The following CNTN4 variants were observed in gnomAD, a reference collection of about 807,000 sequenced individuals.
CNTN4 encodes the protein contactin 4.
Under a neutral mutation model 122.5 loss-of-function variants are expected in CNTN4, and 77 were observed. The ratio of observed to expected loss-of-function variants is 0.63; its 90% CI spans 0.52 to 0.76. CNTN4 has a LOEUF of 0.76. CNTN4 is among the 30% of genes least tolerant of loss of function. The pLI, the probability that CNTN4 is intolerant of heterozygous loss-of-function variation, is 0.00. For synonymous variants in CNTN4, 512 were observed against 447.0 expected (o/e 1.15, Z -1.83); for missense variants, 1,256 against 1,259.1 (o/e 1.00, Z 0.04).
At chr3:2,218,959 G>A (rs2038957577) in intron 2 of CNTN4, among the ~76,000 whole-genome samples, 1 of 152,206 alleles carries the variant, frequency 6.6e-6, no homozygotes. Flanking sequence ...ATCTGTTAGA[G>A]AGAATGCCGG....
intron 14 of CNTN4, among the ~76,000 whole-genome samples, chr3:3,014,132 G>C (rs1190097135): frequency 1.3e-5 from 2 of 152,006 alleles, no homozygotes; most frequent in African/African-American, 2.4e-5. Context: ...TAACACGTTT[G>C]TGGAATGAGG....
intron 6 of CNTN4, among the ~76,000 whole-genome samples, chr3:2,753,586 T>C (rs74957614): frequency 0.036 from 5,548 of 152,304 alleles, 120 homozygotes; most frequent in African/African-American, 0.064. Context: ...ACCTGAGTCT[T>C]GAGCAGATGC....
intron 20 of CNTN4, 71 bp downstream of exon 20, chr3:3,040,342 T>G: frequency 8.8e-7 from 1 of 1,137,358 alleles, no homozygotes; most frequent in South Asian, 1.3e-5. Context: ...TTGTAGCACG[T>G]ACAATCAATT....
At position 2,925,613 on chromosome 3, in the gene CNTN4, T is replaced by C. The variant is rs2094466512; in HGVS notation, c.1208-16T>C. 1 of 1,611,516 alleles carries C rather than the reference T, an allele frequency of 6.2e-7. No individual in the cohort carries two copies. The highest frequency in any genetic ancestry group is 1.7e-5 in the Admixed American group (1 of 59,868). On this transcript the variant is annotated splice_polypyrimidine_tract_variant and intron_variant, in intron 12 of 24. Coordinates refer to ENST00000418658, the MANE Select transcript of CNTN4 (RefSeq NM_175607.3). ...GGCTGTCTTGCATAATAATTATTTT[T>C]TGTACTGTCTTTCAGCTGTAGGTCC...
In CNTN4 at chr3:2,329,631, C is replaced by T. The variant is rs549359588; in HGVS notation, c.-144-9547C>T. Among the ~76,000 whole-genome samples, 58 of 152,304 alleles carry T rather than the reference C, an allele frequency of 3.8e-4. 1 individual carries two copies. The highest frequency in any genetic ancestry group is 1.3e-3 in the African/African-American group (55 of 41,570). ...CACCAGGGCAGTGCAGTACAAAAAA[C>T]TCAAGTAGAGAAACCAGTGATAACT... On this transcript the variant is annotated intron_variant, in intron 2 of 24. Coordinates refer to ENST00000418658, the MANE Select transcript of CNTN4 (RefSeq NM_175607.3).
intron 6 of CNTN4, among the ~76,000 whole-genome samples, chr3:2,814,390 C>T (rs1416386746): frequency 1.3e-5 from 2 of 152,172 alleles, no homozygotes; most frequent in Non-Finnish European, 2.9e-5. Context: ...GTTTAGCTAC[C>T]TTCCTAACAA....
intron 13 of CNTN4, among the ~76,000 whole-genome samples, chr3:2,963,068 C>A (rs1263497471): frequency 6.6e-6 from 1 of 152,148 alleles, no homozygotes; most frequent in Non-Finnish European, 1.5e-5. Flanking sequence ...GGATTATGTT[C>A]ATGTTTTTGG....
intron 2 of CNTN4, among the ~76,000 whole-genome samples, chr3:2,154,844 A>C (rs1004220916): frequency 6.6e-6 from 1 of 152,228 alleles, no homozygotes; most frequent in Non-Finnish European, 1.5e-5. Context: ...TGTGATCCAC[A>C]AAAGTGCCAG....
At chr3:2,504,745 C>G (rs1029367430) in intron 3 of CNTN4, among the ~76,000 whole-genome samples, 1 of 152,236 alleles carries the variant, frequency 6.6e-6, no homozygotes, top group South Asian at 2.1e-4. Flanking sequence ...TTGACCATAC[C>G]TTCCTCCTCT....
Position 2,261,898 on chromosome 3 carries a change from A to G in CNTN4, c.-144-77280A>G, listed in dbSNP as rs192670802. ...TTGAAAGCGATTTTATTGTTGCCCA[A>G]TAAGTCCCCAAATGCTGTCGTCTTT... On this transcript the variant is annotated intron_variant, in intron 2 of 24. Coordinates refer to ENST00000418658, the MANE Select transcript of CNTN4 (RefSeq NM_175607.3). Among the ~76,000 whole-genome samples the G allele has an allele frequency of 2.4e-3, 362 of 152,272 alleles. 2 individuals carry two copies. The highest frequency in any genetic ancestry group is 7.5e-3 in the South Asian group (36 of 4,822).
intron 3 of CNTN4, among the ~76,000 whole-genome samples, chr3:2,541,156 A>G (rs2078016085): frequency 6.6e-6 from 1 of 152,116 alleles, no homozygotes; most frequent in Non-Finnish European, 1.5e-5. Context: ...CCTTAAACTC[A>G]TTTGAATTTT....
chr3:2,167,453 A>G (rs1016776532), intron 2 of CNTN4, among the ~76,000 whole-genome samples: 7 of 152,226 alleles, frequency 4.6e-5, no homozygotes, highest in Non-Finnish European at 8.8e-5. Flanking sequence ...TAAACAAGGT[A>G]TAATAGCATC....
intron 20 of CNTN4, chr3:3,040,952 T>C (rs1230429247): frequency 2.0e-5 from 3 of 152,686 alleles, no homozygotes; most frequent in Admixed American, 1.9e-4. Flanking sequence ...ATCTCACTTA[T>C]TAAAGAAAAG....
At chr3:2,340,711 A>AGAGAGAGAGAGAGAGAGAGAGGGGGG (rs1553627572) in intron 3 of CNTN4, among the ~76,000 whole-genome samples, 1 of 49,454 alleles carries the variant, frequency 2.0e-5, no homozygotes, top group Admixed American at 2.3e-4. Context: ...ATATATATAT[A>AGAGAGAGAGAGAGAGAGAGAGGGGGG]GAGAGAGAGA....
intron 2 of CNTN4, among the ~76,000 whole-genome samples, chr3:2,194,687 A>G (rs2037753273): frequency 6.6e-6 from 1 of 152,186 alleles, no homozygotes; most frequent in Admixed American, 6.5e-5. Flanking sequence ...GCATCATTAT[A>G]AGGAGAGGGC....
chr3:2,716,691 C>G (rs1456370241), intron 4 of CNTN4, among the ~76,000 whole-genome samples: 3 of 152,114 alleles, frequency 2.0e-5, no homozygotes, highest in African/African-American at 7.2e-5. Flanking sequence ...AGCATATACA[C>G]AATTTTGTGA....
At chr3:3,005,201 C>T (rs1696497572) in intron 14 of CNTN4, among the ~76,000 whole-genome samples, 1 of 152,130 alleles carries the variant, frequency 6.6e-6, no homozygotes, top group African/African-American at 2.4e-5. Flanking sequence ...ATCTCCTTAC[C>T]CAAAAATCAC....
chr3:2,574,229 A>G (rs1326889237), intron 4 of CNTN4, among the ~76,000 whole-genome samples: 2 of 151,948 alleles, frequency 1.3e-5, no homozygotes, highest in Non-Finnish European at 2.9e-5. Context: ...CAAAAACGAA[A>G]AACAAAAACA....
chr3:2,810,437 A>C (rs534042416), intron 6 of CNTN4, among the ~76,000 whole-genome samples: 1 of 152,286 alleles, frequency 6.6e-6, no homozygotes, highest in African/African-American at 2.4e-5. Flanking sequence ...AAAGAGTGAT[A>C]TGTGATCTAG....
Sources: allele counts gnomAD v4.1 joint callset (sites outside exome capture counted in the v4.1 genomes callset), GRCh38; gene constraint gnomAD v4.1.1; transcripts MANE v1.5; gene names NCBI Gene and HGNC (gene_info 2026-07-23, HGNC 2026-07-21).